Variants in CLPB observed in about 807,000 individuals in gnomAD.
CLPB encodes ClpB family mitochondrial disaggregase.
Under a neutral mutation model 78.4 loss-of-function variants are expected in CLPB, and 40 were observed. The observed-to-expected ratio is 0.51, with a 90% CI of 0.40 to 0.66. The LOEUF (loss-of-function observed/expected upper bound fraction) is 0.66, where lower values mean the gene tolerates loss of function less well. Among genes scored for constraint, CLPB ranks in the 30% least tolerant of loss-of-function variants. CLPB has a pLI of 0.00. For synonymous variants in CLPB, 333 were observed against 348.0 expected (o/e 0.96, Z 0.48); for missense variants, 780 against 886.9 (o/e 0.88, Z 1.53).
intron 4 of CLPB, among the ~76,000 whole-genome samples, chr11:72,362,113 T>G (rs1950850987): frequency 6.6e-6 from 1 of 152,228 alleles, no homozygotes; most frequent in Non-Finnish European, 1.5e-5. Context: ...TGAGCTTTTG[T>G]AAATACTATT....
chr11:72,408,013 A>T, intron 2 of CLPB: 1 of 876,180 alleles, frequency 1.1e-6, no homozygotes, highest in Non-Finnish European at 1.8e-6. Context: ...GTCTCTTCAT[A>T]GGTCCAATGA....
chr11:72,301,550 A>G (rs1949655443), intron 11 of CLPB, among the ~76,000 whole-genome samples: 1 of 152,110 alleles, frequency 6.6e-6, no homozygotes, highest in African/African-American at 2.4e-5. Flanking sequence ...CTGCCATACC[A>G]TGTCTCTCTA....
Position 72,294,089 on chromosome 11 carries a change from C to A in CLPB, c.1718G>T (p.Arg573Leu), listed in dbSNP as rs765245566. The A allele has an allele frequency of 6.2e-7, 1 of 1,614,000 alleles. No individual in the cohort carries two copies. Among genetic ancestry groups the A allele is most frequent in the Non-Finnish European group, 8.5e-7 (1 of 1,180,012 alleles). Residue 573 changes from arginine (R) to leucine (L), a missense_variant, in exon 15 of 16, where the codon CGC (arginine) becomes CTC (leucine). By Grantham distance (102) the Arg-to-Leu change is moderately radical (BLOSUM62 -2). Around this residue, in one of 3 missense-constraint regions of CLPB, gnomAD observed 272 missense variants for 304.0 expected, o/e 0.89. Transcript: ENST00000538039. Reference sequence around the variant, plus strand: ...GTCGACCAGCACATCTGCCACCTCGCGGTCCCAGAGCAGCGTGATGTTGTG... The same window carrying A: ...GTCGACCAGCACATCTGCCACCTCGAGGTCCCAGAGCAGCGTGATGTTGTG... ...QRHNITLLWD[R>L]EVADVLVDGY... is the part of the protein sequence containing the mutation.
chr11:72,401,196 T>C (rs1855549851), intron 3 of CLPB, among the ~76,000 whole-genome samples: 1 of 152,146 alleles, frequency 6.6e-6, no homozygotes, highest in Non-Finnish European at 1.5e-5. Context: ...TCCCAGCACT[T>C]TGGGAGGCCA....
Position 72,359,014 on chromosome 11 carries a change from G to A in CLPB, c.647-6C>T, listed in dbSNP as rs1377454533. On this transcript the variant is annotated splice_polypyrimidine_tract_variant and splice_region_variant and intron_variant, in intron 4 of 15. Coordinates refer to ENST00000538039, the MANE Select transcript of CLPB (RefSeq NM_001258392.3). ...ATCCTCTCGGGTGATCAGGACTGGG[G>A]AGACAGCAACACAAACCCTTCCATT... 3.7e-6 allele frequency: 6 copies of A among 1,613,396 alleles called. No individual in the cohort carries two copies. In the South Asian group the frequency reaches 4.4e-5, roughly 12 times the overall value.
At chr11:72,328,011 A>G (rs754299858) in intron 6 of CLPB, among the ~76,000 whole-genome samples, 3 of 152,188 alleles carry the variant, frequency 2.0e-5, no homozygotes, top group Admixed American at 6.5e-5. Context: ...GTTGATTACC[A>G]AATATTTCCA....
chr11:72,357,780 G>C (rs1272109505), intron 5 of CLPB, among the ~76,000 whole-genome samples: 1 of 149,512 alleles, frequency 6.7e-6, no homozygotes, highest in Non-Finnish European at 1.5e-5. Context: ...TCTGAAAAAT[G>C]TCAGCTAGCC....
chr11:72,431,647 C>T (rs1856549168), intron 1 of CLPB, among the ~76,000 whole-genome samples: 1 of 152,168 alleles, frequency 6.6e-6, no homozygotes, highest in African/African-American at 2.4e-5. Flanking sequence ...GCTCAGACAG[C>T]CACCAGCTGG....
chr11:72,413,221 G>A (rs1274980026), intron 2 of CLPB, among the ~76,000 whole-genome samples: 1 of 151,928 alleles, frequency 6.6e-6, no homozygotes, highest in Non-Finnish European at 1.5e-5. Flanking sequence ...CCCTGGAGGC[G>A]GAGGCTGCAG....
chr11:72,372,818 G>T, intron 4 of CLPB: 1 of 989,300 alleles, frequency 1.0e-6, no homozygotes, highest in South Asian at 1.4e-5. Flanking sequence ...GGCACACAGT[G>T]GGTGCTGGGT....
intron 4 of CLPB, among the ~76,000 whole-genome samples, chr11:72,371,952 A>G (rs1036753516): frequency 2.6e-5 from 4 of 152,108 alleles, no homozygotes; most frequent in African/African-American, 9.7e-5. Context: ...TTACATCTTT[A>G]TTATTACTAA....
At chr11:72,389,446 T>G (rs1855181169) in intron 3 of CLPB, among the ~76,000 whole-genome samples, 1 of 152,214 alleles carries the variant, frequency 6.6e-6, no homozygotes, top group Non-Finnish European at 1.5e-5. Context: ...TCACTATTAC[T>G]GTCTTAAATT....
intron 5 of CLPB, among the ~76,000 whole-genome samples, chr11:72,332,420 C>T (rs1950244368): frequency 6.6e-6 from 1 of 151,930 alleles, no homozygotes; most frequent in African/African-American, 2.4e-5. Flanking sequence ...ACCCAGGAGG[C>T]AGGGGCTGCA....
At chr11:72,384,153 AAAAC>A (rs1425026966) in intron 3 of CLPB, among the ~76,000 whole-genome samples, 1 of 152,202 alleles carries the variant, frequency 6.6e-6, no homozygotes, top group Admixed American at 6.5e-5. Context: ...ACCCTATCTC[AAAAC>A]AAACAAACAA....
chr11:72,387,206 TTCTG>T (rs1271818159), intron 3 of CLPB, among the ~76,000 whole-genome samples: 11 of 152,290 alleles, frequency 7.2e-5, no homozygotes, highest in Admixed American at 5.9e-4. Context: ...GAAGGGAAAG[TTCTG>T]TCTTACTATA....
chr11:72,316,798 C>T (rs551603779), intron 7 of CLPB, among the ~76,000 whole-genome samples: 124 of 152,236 alleles, frequency 8.1e-4, no homozygotes, highest in African/African-American at 1.2e-3. Context: ...TTGAGGGTAG[C>T]GGACCAGATG....
intron 3 of CLPB, among the ~76,000 whole-genome samples, chr11:72,401,593 C>T (rs1455360072): frequency 1.3e-5 from 2 of 152,200 alleles, no homozygotes; most frequent in Admixed American, 6.5e-5. Flanking sequence ...CTAAGTCTCT[C>T]AGTCAGTCTG....
intron 2 of CLPB, among the ~76,000 whole-genome samples, chr11:72,405,541 C>T (rs1185058967): frequency 6.6e-6 from 1 of 152,140 alleles, no homozygotes; most frequent in Non-Finnish European, 1.5e-5. Context: ...AGATTCCTGG[C>T]ATGCATGCTA....
intron 2 of CLPB, among the ~76,000 whole-genome samples, chr11:72,420,184 TAAAC>T (rs1015600089): frequency 1.3e-4 from 19 of 151,916 alleles, no homozygotes; most frequent in Admixed American, 1.1e-3. Flanking sequence ...CTCAATTAAA[TAAAC>T]AAACAAACAA....
Sources: allele counts gnomAD v4.1 joint callset (sites outside exome capture counted in the v4.1 genomes callset), GRCh38; gene constraint gnomAD v4.1.1; regional missense constraint gnomAD v4.1.1; transcripts MANE v1.5; gene names NCBI Gene and HGNC (gene_info 2026-07-23, HGNC 2026-07-21).